Variants in COL15A1 observed in about 807,000 individuals in gnomAD.
COL15A1 encodes the protein collagen type XV alpha 1 chain.
A neutral mutation model predicts 165.9 loss-of-function variants in COL15A1; 111 were observed. The ratio of observed to expected loss-of-function variants is 0.67; its 90% CI spans 0.57 to 0.78. The LOEUF is 0.78. Ranked by LOEUF, COL15A1 falls within the 30% of genes least tolerant of loss-of-function variation. The pLI is 0.00. For missense variants in COL15A1, 1,745 were observed against 1,789.7 expected (o/e 0.98, Z 0.45); for synonymous variants, 659 against 674.8 (o/e 0.98, Z 0.36).
Position 99,055,133 on chromosome 9 carries a change from C to G in COL15A1, c.3063C>G (p.His1021Gln). 3 of 1,613,552 alleles carry G rather than the reference C, an allele frequency of 1.9e-6. No individual in the cohort carries two copies. The highest frequency in any genetic ancestry group is 2.5e-6 in the Non-Finnish European group (3 of 1,179,452). The change falls in exon 33 of 42, where the codon CAC becomes CAG. Residue 1021 changes from histidine (H) to glutamine (Q), a missense_variant. Physicochemically the swap from His to Gln is conservative, Grantham distance 24. Coordinates refer to ENST00000375001, the MANE Select transcript of COL15A1 (RefSeq NM_001855.5). ...GPPLDLAYLR[H>Q]FLNNLKGENG... ...CACTTGATCTAGCTTACCTGAGACACTTTCTGAACAACTTGAAGGTGAGTA... is the reference window on the plus strand; with the variant it reads ...CACTTGATCTAGCTTACCTGAGACAGTTTCTGAACAACTTGAAGGTGAGTA...
At chr9:99,018,819 A>G (rs902070730) in intron 11 of COL15A1, among the ~76,000 whole-genome samples, 2 of 152,246 alleles carry the variant, frequency 1.3e-5, no homozygotes, top group Non-Finnish European at 2.9e-5. Context: ...CAAAAACACT[A>G]GAAGGAAATA....
At chr9:98,979,647 TTTATTATTA>T (rs55884863) in intron 2 of COL15A1, among the ~76,000 whole-genome samples, 2 of 149,890 alleles carry the variant, frequency 1.3e-5, no homozygotes, top group Non-Finnish European at 3.0e-5. Flanking sequence ...AGGGATTATC[TTTATTATTA>T]TTATTATTAT....
chr9:99,024,282 T>G lies in COL15A1; in HGVS notation c.1855-592T>G, dbSNP rs1011045659. ...CACCACAAGCAGTTTTTTTTGTTTT[T>G]TTGTTTTTTTTTTTTTGAGATGGAG... On this transcript the variant is annotated intron_variant, in intron 14 of 41. Coordinates refer to ENST00000375001, the MANE Select transcript of COL15A1 (RefSeq NM_001855.5). 1.6e-3 allele frequency among the ~76,000 whole-genome samples: 212 copies of G among 136,192 alleles called. 5 individuals carry two copies. Among genetic ancestry groups the G allele is most frequent in the African/African-American group, 5.4e-3 (187 of 34,740 alleles). The allele number at this position is 136,192 out of a possible 152,430, so 89.3% of individuals were successfully genotyped here. A position where few individuals can be genotyped will look rare whatever the true frequency, so the allele number is the denominator to read the frequency against.
chr9:99,055,072 C>T (rs190390357), intron 32 of COL15A1, 30 bp from the exon 33 acceptor site: 1,376 of 1,582,484 alleles, frequency 8.7e-4, no homozygotes, highest in Non-Finnish European at 1.1e-3. Flanking sequence ...AAATTACAAT[C>T]GTGAATTTTA....
rs1180538457 is a variant in COL15A1, at chr9:99,000,925, G to T, written c.1039G>T (p.Ala347Ser). Residue 347 changes from alanine to serine, a missense_variant, in exon 7 of 42, where the codon GCC becomes TCC. Coordinates refer to ENST00000375001, the MANE Select transcript of COL15A1 (RefSeq NM_001855.5). Reference protein sequence around the residue: ...PITDSGSGAGAFLDIAEEKNL... With the variant: ...PITDSGSGAGSFLDIAEEKNL... ...TACTGACAGCGGCTCAGGGGCTGGG[G>T]CCTTCCTTGACATTGCTGAAGAAAA... 1.9e-6 allele frequency: 3 copies of T among 1,576,694 alleles called. No homozygotes were observed. The African/African-American group carries it at 4.0e-5, about 21-fold the overall frequency.
intron 5 of COL15A1, among the ~76,000 whole-genome samples, chr9:98,990,364 T>C (rs1838397971): frequency 6.6e-6 from 1 of 152,156 alleles, no homozygotes; most frequent in South Asian, 2.1e-4. Flanking sequence ...ATCCCAAGGA[T>C]GGCGGCCAAC....
chr9:99,000,651 G>A lies in COL15A1; in HGVS notation c.953-188G>A, dbSNP rs991729926. 1.4e-4 allele frequency among the ~76,000 whole-genome samples: 22 copies of A among 152,194 alleles called. 1 individual carries two copies. Among genetic ancestry groups the A allele is most frequent in the Non-Finnish European group, 1.9e-4 (13 of 68,034 alleles). On this transcript the variant is annotated intron_variant, in intron 6 of 41. Coordinates refer to ENST00000375001, the MANE Select transcript of COL15A1 (RefSeq NM_001855.5). ...GTTGAGCGACTTGCCTGCAGGTGGT[G>A]CCAGAGCCTGGAATGGAAACCACAC...
chr9:99,026,978 A>G (rs1037797981), intron 16 of COL15A1, among the ~76,000 whole-genome samples: 4 of 152,176 alleles, frequency 2.6e-5, no homozygotes, highest in Non-Finnish European at 5.9e-5. Context: ...TTCAGACACC[A>G]TTAGTCTACT....
chr9:98,997,189 C>G lies in COL15A1; in HGVS notation c.952+108C>G, dbSNP rs899078504. ...ACAGAATCTCATTTAACCTTCCCCT[C>G]AACCCTTTAAGAAAGGGTGAGAACC... On this transcript the variant is annotated intron_variant, in intron 6 of 41. Coordinates refer to ENST00000375001, the MANE Select transcript of COL15A1 (RefSeq NM_001855.5). The G allele has an allele frequency of 2.2e-6, 3 of 1,374,608 alleles. No homozygotes were observed. In the African/African-American group the frequency reaches 4.3e-5, roughly 20 times the overall value. The allele number at this position is 1,374,608 out of a possible 1,614,324, so 85.2% of individuals were successfully genotyped here.
chr9:99,052,419 T>G lies in COL15A1; in HGVS notation c.2936T>G (p.Leu979Arg). ...ACTGCTCATCCTGGGAGTCCAGAGC[T>G]CATCACTTTTCACGGTATACACTCC... ...VDTAHPGSPE[L>R]ITFHGVKGEK... Residue 979 changes from leucine (L) to arginine (R), a missense_variant, in exon 31 of 42, where the codon CTC (leucine) becomes CGC (arginine). Coordinates refer to ENST00000375001, the MANE Select transcript of COL15A1 (RefSeq NM_001855.5). 6.2e-7 allele frequency: 1 copy of G among 1,610,680 alleles called. No homozygotes were observed. The highest frequency in any genetic ancestry group is 8.5e-7 in the Non-Finnish European group (1 of 1,176,930).
At chr9:98,948,270 A>T (rs1428847337) in intron 2 of COL15A1, among the ~76,000 whole-genome samples, 1 of 152,084 alleles carries the variant, frequency 6.6e-6, no homozygotes, top group Admixed American at 6.5e-5. Flanking sequence ...TCCTGTGTGC[A>T]GCCAATCCCA....
intron 39 of COL15A1, among the ~76,000 whole-genome samples, chr9:99,064,669 G>A (rs566469990): frequency 9.8e-5 from 15 of 152,344 alleles, no homozygotes; most frequent in Non-Finnish European, 5.9e-5. Flanking sequence ...AGCAAGCCAA[G>A]CAAGGTAGTA....
chr9:99,021,956 G>GTCTCTGCA, intron 12 of COL15A1, 135 bp from the exon 13 acceptor site: 1 of 1,211,778 alleles, frequency 8.3e-7, no homozygotes, highest in Non-Finnish European at 1.2e-6. Context: ...CCCTTAAGCT[G>GTCTCTGCA]TCTCTGCAAA....
chr9:98,997,675 C>T (rs527354671), intron 6 of COL15A1, among the ~76,000 whole-genome samples: 1 of 152,232 alleles, frequency 6.6e-6, no homozygotes, highest in Non-Finnish European at 1.5e-5. Flanking sequence ...CAGCAGCAGT[C>T]CCTAGGAGAA....
intron 2 of COL15A1, among the ~76,000 whole-genome samples, chr9:98,979,912 T>C (rs186074443): frequency 1.3e-3 from 204 of 152,070 alleles, no homozygotes; most frequent in Non-Finnish European, 2.2e-3. Context: ...AATCCCAGCA[T>C]TTTGGGAGGC....
chr9:99,061,854 C>T (rs1209671043), intron 36 of COL15A1, 117 bp from the exon 37 acceptor site: 1 of 1,083,886 alleles, frequency 9.2e-7, no homozygotes, highest in African/African-American at 1.6e-5. Flanking sequence ...ATTAACAAGC[C>T]TCTTTATTGA....
intron 2 of COL15A1, among the ~76,000 whole-genome samples, chr9:98,954,985 T>C (rs1837752190): frequency 6.6e-6 from 1 of 152,208 alleles, no homozygotes; most frequent in Non-Finnish European, 1.5e-5. Context: ...AGAGGGTTTT[T>C]CAGGAAATTA....
At chr9:98,981,056 C>G (rs1453829735) in intron 2 of COL15A1, among the ~76,000 whole-genome samples, 1 of 152,128 alleles carries the variant, frequency 6.6e-6, no homozygotes, top group African/African-American at 2.4e-5. Flanking sequence ...TAAGGGAGTC[C>G]GTGGCAGTAT....
intron 16 of COL15A1, among the ~76,000 whole-genome samples, chr9:99,032,465 G>C (rs1839224934): frequency 6.6e-6 from 1 of 152,134 alleles, no homozygotes; most frequent in Admixed American, 6.5e-5. Flanking sequence ...TGGGATTACA[G>C]GCCTGAGCCA....
Sources: allele counts gnomAD v4.1 joint callset (sites outside exome capture counted in the v4.1 genomes callset), GRCh38; gene constraint gnomAD v4.1.1; transcripts MANE v1.5; gene names NCBI Gene and HGNC (gene_info 2026-07-23, HGNC 2026-07-21).